Variants in CFAP70 observed in about 807,000 individuals in gnomAD.
The protein encoded by CFAP70 is cilia and flagella associated protein 70.
A neutral mutation model predicts 137.6 loss-of-function variants in CFAP70; 81 were observed. That is an observed-to-expected ratio of 0.59 (90% CI 0.49 to 0.71). The LOEUF (loss-of-function observed/expected upper bound fraction) is 0.71, where lower values mean the gene tolerates loss of function less well. Ranked by LOEUF, CFAP70 falls within the 30% of genes least tolerant of loss-of-function variation. The pLI, the probability that CFAP70 is intolerant of heterozygous loss-of-function variation, is 0.00. For missense variants in CFAP70, 976 were observed against 1,226.7 expected (o/e 0.80, Z 3.05); for synonymous variants, 382 against 423.6 (o/e 0.90, Z 1.20).
upstream of CFAP70, among the ~76,000 whole-genome samples, chr10:73,360,921 C>T (rs981276964): frequency 6.6e-6 from 1 of 152,134 alleles, no homozygotes; most frequent in Non-Finnish European, 1.5e-5. Context: ...GGATAAATAA[C>T]AGATGTCACC....
intron 12 of CFAP70, among the ~76,000 whole-genome samples, chr10:73,308,520 C>T (rs144212998): frequency 2.5e-3 from 380 of 149,472 alleles, no homozygotes; most frequent in African/African-American, 8.8e-3. Flanking sequence ...CCTAGCTACT[C>T]AGGAGGCTGA....
chr10:73,287,434 T>G (rs774754655), intron 19 of CFAP70, among the ~76,000 whole-genome samples: 15 of 152,330 alleles, frequency 9.8e-5, no homozygotes, highest in Middle Eastern at 3.4e-3. Flanking sequence ...CATGACCACA[T>G]TTTTATGTGT....
chr10:73,256,478 C>T lies in CFAP70; in HGVS notation c.3028-62G>A. ...CATAAACATTATGGTAAGGAAAATA[C>T]ATTGCCTCAGCTAAGGCAGAGGCAC... On this transcript the variant is annotated intron_variant, in intron 25 of 26. Transcript: ENST00000310715. The T allele has an allele frequency of 2.5e-6, 4 of 1,591,104 alleles. 1 individual carries two copies. The highest frequency in any genetic ancestry group is 3.4e-6 in the Non-Finnish European group (4 of 1,160,410).
chr10:73,264,076 CTGTT>C (rs1226154215), intron 25 of CFAP70, among the ~76,000 whole-genome samples: 2 of 152,112 alleles, frequency 1.3e-5, no homozygotes, highest in African/African-American at 2.4e-5. Flanking sequence ...AAGCTAGTTT[CTGTT>C]TGTTTTATTT....
At chr10:73,268,951 T>G (rs1297033889) in intron 25 of CFAP70, among the ~76,000 whole-genome samples, 1 of 151,434 alleles carries the variant, frequency 6.6e-6, no homozygotes, top group Non-Finnish European at 1.5e-5. Flanking sequence ...CCTCCCAAAT[T>G]GCTGGGGTTA....
intron 9 of CFAP70, among the ~76,000 whole-genome samples, chr10:73,321,670 A>C (rs1407933852): frequency 6.6e-6 from 1 of 152,010 alleles, no homozygotes; most frequent in Non-Finnish European, 1.5e-5. Flanking sequence ...TGATTTTAAC[A>C]TTTTTACACC....
At chr10:73,322,544 T>C (rs1360688382) in intron 9 of CFAP70, among the ~76,000 whole-genome samples, 5 of 133,042 alleles carry the variant, frequency 3.8e-5, no homozygotes, top group Admixed American at 2.5e-4. Flanking sequence ...GCCACTGCAC[T>C]CCAAAGTGAG....
chr10:73,274,763 A>G (rs2046570813), intron 22 of CFAP70, 169 bp from the exon 24 acceptor site: 1 of 649,316 alleles, frequency 1.5e-6, no homozygotes, highest in African/African-American at 1.9e-5. Context: ...TAACCATTTA[A>G]TTGTACAAGG....
upstream of CFAP70, among the ~76,000 whole-genome samples, chr10:73,360,342 A>C (rs1405372035): frequency 6.6e-6 from 1 of 152,208 alleles, no homozygotes; most frequent in Non-Finnish European, 1.5e-5. Context: ...ATACATACAC[A>C]TGTACACACA....
At chr10:73,350,759 GGTTT>G (rs982546535) in intron 3 of CFAP70, among the ~76,000 whole-genome samples, 50 of 151,632 alleles carry the variant, frequency 3.3e-4, no homozygotes, top group African/African-American at 1.2e-3. Flanking sequence ...TATTTATTTT[GGTTT>G]GTTTGTTTGT....
chr10:73,295,523 T>C (rs1225699934), intron 15 of CFAP70: 3 of 152,196 alleles, frequency 2.0e-5, no homozygotes, highest in African/African-American at 7.2e-5. Context: ...TCATCATAAT[T>C]TGAATCCCCC....
chr10:73,272,733 A>T (rs1772552776), intron 24 of CFAP70, 195 bp downstream of exon 25: 1 of 662,576 alleles, frequency 1.5e-6, no homozygotes, highest in Non-Finnish European at 2.7e-6. Context: ...GGGATTTTTT[A>T]AAAAGATCTT....
intron 4 of CFAP70, among the ~76,000 whole-genome samples, chr10:73,345,727 C>A (rs555335890): frequency 6.6e-6 from 1 of 151,692 alleles, no homozygotes; most frequent in South Asian, 2.1e-4. Flanking sequence ...ATCGCTTGAA[C>A]CCAGGGAGGC....
Position 73,273,019 on chromosome 10 carries a change from T to A in CFAP70, c.2836-2A>T. 6.5e-7 allele frequency: 1 copy of A among 1,548,994 alleles called. No individual in the cohort carries two copies. On this transcript the variant is annotated splice_acceptor_variant, in intron 23 of 26. Coordinates refer to ENST00000310715, the Ensembl canonical transcript of CFAP70. LOFTEE classifies it high-confidence loss of function. The stretch of plus-strand genomic sequence containing the variant: ...ATAGGTTTTCTTTGCCTTTTCATAC[T>A]GTAGAAAGAAAGCACCACTAAGCTA...
intron 8 of CFAP70, among the ~76,000 whole-genome samples, chr10:73,325,960 T>G (rs896955686): frequency 6.6e-6 from 1 of 152,118 alleles, no homozygotes; most frequent in African/African-American, 2.4e-5. Context: ...TACCCAGGAA[T>G]TGAACTCAGC....
intron 25 of CFAP70, among the ~76,000 whole-genome samples, chr10:73,261,555 C>T (rs2045193071): frequency 6.6e-6 from 1 of 151,780 alleles, no homozygotes; most frequent in African/African-American, 2.4e-5. Flanking sequence ...GACTCATTCA[C>T]TACCAGGAGA....
At chr10:73,345,092 G>C (rs745996084) in exon 5 of CFAP70, 1 of 1,614,070 alleles carries the variant, frequency 6.2e-7, no homozygotes, top group Non-Finnish European at 8.5e-7. Flanking sequence ...CTTGCAGACC[G>C]ACCATGTAGT....
chr10:73,331,075 G>T, intron 8 of CFAP70, 102 bp downstream of exon 9: 1 of 772,100 alleles, frequency 1.3e-6, no homozygotes, highest in Non-Finnish European at 2.1e-6. Flanking sequence ...TAGGAGAACA[G>T]CTATGTTCAC....
At position 73,256,432 on chromosome 10, in the gene CFAP70, C is replaced by A. The variant is rs1382032024; in HGVS notation, c.3028-16G>T. ...GCCGTCCAACCTGAAAAAAGTGCAGCAGTTGGTGATGATGACAGGTCATAA... is the reference window on the plus strand; with the variant it reads ...GCCGTCCAACCTGAAAAAAGTGCAGAAGTTGGTGATGATGACAGGTCATAA... On this transcript the variant is annotated splice_polypyrimidine_tract_variant and intron_variant, in intron 25 of 26. Coordinates refer to ENST00000310715, the Ensembl canonical transcript of CFAP70. 1.2e-6 allele frequency: 2 copies of A among 1,613,836 alleles called. No individual in the cohort carries two copies. The highest frequency in any genetic ancestry group is 1.7e-6 in the Non-Finnish European group (2 of 1,179,948).
Sources: allele counts gnomAD v4.1 joint callset (sites outside exome capture counted in the v4.1 genomes callset), GRCh38; gene constraint gnomAD v4.1.1; transcripts MANE v1.5; gene names NCBI Gene and HGNC (gene_info 2026-07-23, HGNC 2026-07-21).